The following SAMD3 variants were observed in gnomAD, a reference collection of about 807,000 sequenced individuals.
SAMD3 encodes the protein sterile alpha motif domain-containing protein 3.
In SAMD3, 63 loss-of-function variants were observed where a neutral mutation model predicts 58.5. The observed-to-expected ratio is 1.08, with a 90% CI of 0.88 to 1.33. The LOEUF (loss-of-function observed/expected upper bound fraction) is 1.33. Ranked by LOEUF, SAMD3 falls within the 40% of genes most tolerant of loss-of-function variation. The pLI, the probability that SAMD3 is intolerant of heterozygous loss-of-function variation, is 0.00. For missense variants in SAMD3, 604 were observed against 608.4 expected (o/e 0.99, Z 0.08); for synonymous variants, 220 against 210.3 (o/e 1.05, Z -0.40).
chr6:130,224,335 C>T (rs1796324539), upstream of SAMD3, among the ~76,000 whole-genome samples: 1 of 151,972 alleles, frequency 6.6e-6, no homozygotes, highest in South Asian at 2.1e-4. Context: ...ACAGGAGTGC[C>T]TGTTCTCACT....
intron 2 of SAMD3, among the ~76,000 whole-genome samples, chr6:130,255,516 C>G (rs977880022): frequency 1.3e-5 from 2 of 152,136 alleles, no homozygotes. Flanking sequence ...GTTATATCCT[C>G]TTGATGAATT....
At chr6:130,269,809 G>C (rs1005583401) in intron 2 of SAMD3, among the ~76,000 whole-genome samples, 5 of 151,464 alleles carry the variant, frequency 3.3e-5, no homozygotes, top group Admixed American at 1.3e-4. Context: ...AACACTTACT[G>C]TTCATCTGAG....
chr6:130,155,484 G>T (rs1421566632), intron 8 of SAMD3, among the ~76,000 whole-genome samples: 2 of 152,068 alleles, frequency 1.3e-5, no homozygotes, highest in African/African-American at 4.8e-5. Flanking sequence ...AATAACAGTG[G>T]TTATTTTCTG....
At chr6:130,357,590 A>AATACAAT (rs1777873019) in intron 1 of SAMD3, among the ~76,000 whole-genome samples, 4 of 152,158 alleles carry the variant, frequency 2.6e-5, no homozygotes, top group Admixed American at 2.6e-4. Flanking sequence ...TGCATAGGGG[A>AATACAAT]TAATGAACAT....
At chr6:130,177,274 A>G (rs987267992) in intron 7 of SAMD3, among the ~76,000 whole-genome samples, 1 of 152,134 alleles carries the variant, frequency 6.6e-6, no homozygotes, top group Non-Finnish European at 1.5e-5. Flanking sequence ...TTAAACCTCT[A>G]CAGAGAATTC....
At chr6:130,340,390 C>T (rs1028739057) in intron 1 of SAMD3, among the ~76,000 whole-genome samples, 11 of 152,206 alleles carry the variant, frequency 7.2e-5, no homozygotes, top group Admixed American at 2.0e-4. Context: ...TTTTGACTCT[C>T]TTGCCTCCCC....
At chr6:130,307,117 A>G (rs1437934095) in intron 2 of SAMD3, among the ~76,000 whole-genome samples, 1 of 152,216 alleles carries the variant, frequency 6.6e-6, no homozygotes, top group East Asian at 1.9e-4. Context: ...GATATTTGTG[A>G]ATTCACAAAG....
At chr6:130,351,286 G>C (rs941487584) in intron 1 of SAMD3, among the ~76,000 whole-genome samples, 1 of 152,140 alleles carries the variant, frequency 6.6e-6, no homozygotes, top group Non-Finnish European at 1.5e-5. Context: ...AGAGTGAACA[G>C]GCAACCTACA....
chr6:130,230,938 G>C (rs892995865), intron 2 of SAMD3, among the ~76,000 whole-genome samples: 8 of 152,152 alleles, frequency 5.3e-5, no homozygotes, highest in Non-Finnish European at 1.2e-4. Flanking sequence ...TCACCTGGGG[G>C]AAGAGTCTCA....
intron 2 of SAMD3, among the ~76,000 whole-genome samples, chr6:130,282,496 T>C (rs1358463312): frequency 6.6e-6 from 1 of 152,168 alleles, no homozygotes; most frequent in Non-Finnish European, 1.5e-5. Flanking sequence ...GTCTCAATAG[T>C]ACAGAGGCTT....
intron 2 of SAMD3, among the ~76,000 whole-genome samples, chr6:130,270,853 T>C (rs760664337): frequency 4.6e-5 from 7 of 152,224 alleles, no homozygotes; most frequent in Non-Finnish European, 1.0e-4. Context: ...CTTACATACA[T>C]ATTTCTTAAA....
chr6:130,344,060 C>T (rs1777365220), intron 1 of SAMD3, among the ~76,000 whole-genome samples: 1 of 152,150 alleles, frequency 6.6e-6, no homozygotes, highest in Non-Finnish European at 1.5e-5. Flanking sequence ...CAGCAAGTAA[C>T]CTTCAGGGAC....
intron 10 of SAMD3, among the ~76,000 whole-genome samples, 170 bp from the exon 11 acceptor site, chr6:130,145,592 A>G (rs538929894): frequency 2.0e-5 from 3 of 152,212 alleles, no homozygotes; most frequent in Non-Finnish European, 4.4e-5. Context: ...CTAATAAAAC[A>G]TTCAAAATCT....
At chr6:130,301,238 G>C (rs1392731451) in intron 2 of SAMD3, among the ~76,000 whole-genome samples, 1 of 152,064 alleles carries the variant, frequency 6.6e-6, no homozygotes, top group Non-Finnish European at 1.5e-5. Context: ...ATTTGGGTTG[G>C]TTCTAAGTCT....
intron 2 of SAMD3, among the ~76,000 whole-genome samples, chr6:130,253,019 C>G (rs901224308): frequency 3.9e-5 from 6 of 152,306 alleles, no homozygotes; most frequent in African/African-American, 1.2e-4. Context: ...TGAAGGCCAT[C>G]TGGGTCAGGT....
intron 1 of SAMD3, among the ~76,000 whole-genome samples, chr6:130,320,109 G>T (rs1228245367): frequency 2.0e-5 from 3 of 152,016 alleles, no homozygotes; most frequent in Non-Finnish European, 4.4e-5. Context: ...AAGGAAAAAG[G>T]CAATAAAGAA....
intron 2 of SAMD3, among the ~76,000 whole-genome samples, chr6:130,234,674 A>T (rs2114884316): frequency 6.6e-6 from 1 of 152,344 alleles, no homozygotes; most frequent in Middle Eastern, 3.4e-3. Flanking sequence ...CTCTGTTCAG[A>T]GTTCAGCCTA....
At chr6:130,207,008 G>T (rs1795140716) in intron 5 of SAMD3, among the ~76,000 whole-genome samples, 1 of 151,870 alleles carries the variant, frequency 6.6e-6, no homozygotes, top group South Asian at 2.1e-4. Context: ...AATTAGCTGG[G>T]CCTGGTAGTG....
At chr6:130,253,568 T>A (rs1408274717) in intron 2 of SAMD3, among the ~76,000 whole-genome samples, 1 of 152,142 alleles carries the variant, frequency 6.6e-6, no homozygotes, top group Non-Finnish European at 1.5e-5. Context: ...CATTTTTCTA[T>A]AATTTTATAA....
Sources: allele counts gnomAD v4.1 joint callset (sites outside exome capture counted in the v4.1 genomes callset), GRCh38; gene constraint gnomAD v4.1.1; transcripts MANE v1.5; gene names NCBI Gene and HGNC (gene_info 2026-07-23, HGNC 2026-07-21).